The following EPC1 variants were observed in gnomAD, a reference collection of about 807,000 sequenced individuals.
EPC1 encodes the protein enhancer of polycomb homolog 1.
Under a neutral mutation model 98.4 loss-of-function variants are expected in EPC1, and 12 were observed. The ratio of observed to expected loss-of-function variants is 0.12; its 90% CI spans 0.08 to 0.20. The LOEUF is 0.20. Among genes scored for constraint, EPC1 ranks in the 10% least tolerant of loss-of-function variants. The pLI, the probability that EPC1 is intolerant of heterozygous loss-of-function variation, is 1.00. For synonymous variants in EPC1, 357 were observed against 363.9 expected, an observed-to-expected ratio of 0.98 and a Z score of 0.21; for missense variants, 729 against 990.5, an observed-to-expected ratio of 0.74 and a Z score of 3.54.
intron 1 of EPC1, among the ~76,000 whole-genome samples, chr10:32,325,641 T>C (rs1366904977): frequency 6.6e-6 from 1 of 152,204 alleles, no homozygotes; most frequent in Non-Finnish European, 1.5e-5. Context: ...TACAAAAATA[T>C]TAAGTAAACC....
At chr10:32,281,373 T>C (rs1055382230) in intron 10 of EPC1, among the ~76,000 whole-genome samples, 9 of 152,120 alleles carry the variant, frequency 5.9e-5, no homozygotes, top group African/African-American at 2.2e-4. Flanking sequence ...AGCCCAACAC[T>C]GCCAGTTTTT....
At chr10:32,314,879 A>C (rs1836465095) in intron 1 of EPC1, among the ~76,000 whole-genome samples, 1 of 152,130 alleles carries the variant, frequency 6.6e-6, no homozygotes, top group Non-Finnish European at 1.5e-5. Flanking sequence ...TCATGCTCTC[A>C]CCCCACCATT....
At chr10:32,275,852 G>T (rs977344962) in intron 10 of EPC1, among the ~76,000 whole-genome samples, 1 of 151,690 alleles carries the variant, frequency 6.6e-6, no homozygotes, top group Non-Finnish European at 1.5e-5. Flanking sequence ...CAGGAGAATC[G>T]CTTGAACCCG....
At chr10:32,297,404 G>A (rs1266676519) in intron 2 of EPC1, among the ~76,000 whole-genome samples, 1 of 150,810 alleles carries the variant, frequency 6.6e-6, no homozygotes, top group Non-Finnish European at 1.5e-5. Flanking sequence ...GCCTCACTCA[G>A]CCTCCTGAGT....
intron 10 of EPC1, among the ~76,000 whole-genome samples, chr10:32,279,969 C>T (rs372560183): frequency 1.7e-4 from 26 of 152,222 alleles, no homozygotes; most frequent in East Asian, 1.4e-3. Flanking sequence ...TGCATGGTAT[C>T]CAGAGGACCA....
intron 1 of EPC1, among the ~76,000 whole-genome samples, chr10:32,331,408 A>C (rs1837633076): frequency 6.6e-6 from 1 of 152,054 alleles, no homozygotes; most frequent in East Asian, 1.9e-4. Context: ...GGTAACTACA[A>C]CTAAAATCTT....
intron 10 of EPC1, 178 bp downstream of exon 10, chr10:32,284,520 C>T: frequency 3.7e-6 from 2 of 534,748 alleles, no homozygotes; most frequent in Non-Finnish European, 6.5e-6. Context: ...AAGACACACA[C>T]ATACAAACTC....
At chr10:32,270,168 G>T (rs118093145) in intron 13 of EPC1, among the ~76,000 whole-genome samples, 1,753 of 152,260 alleles carry the variant, frequency 0.012, 19 homozygotes, top group South Asian at 0.02. Context: ...TATTTTGTTA[G>T]AAGAGTCCCA....
intron 2 of EPC1, among the ~76,000 whole-genome samples, chr10:32,299,950 G>A (rs1369913643): frequency 6.6e-6 from 1 of 151,980 alleles, no homozygotes; most frequent in African/African-American, 2.4e-5. Context: ...AGCTCGCTCT[G>A]TTGCCCAAGA....
Position 32,292,995 on chromosome 10 carries a change from G to T in EPC1, c.659C>A (p.Thr220Asn). ...TTCTTCAAATTCACTTACTTTTCGA[G>T]TCTGCATTTTTTCAGTACGCCTTCT... ...AFRRRTEKMQ[T>N]RKNRKNDEAS... Residue 220 changes from threonine (T) to asparagine (N), a missense_variant, in exon 4 of 14, where the codon ACT (threonine) becomes AAT (asparagine). Transcript: ENST00000319778. 6.4e-7 allele frequency: 1 copy of T among 1,569,826 alleles called. No individual in the cohort carries two copies. Among genetic ancestry groups the T allele is most frequent in the Non-Finnish European group, 8.6e-7 (1 of 1,158,470 alleles).
At chr10:32,351,477 T>C (rs1398037091), upstream of EPC1, among the ~76,000 whole-genome samples, 1 of 151,820 alleles carries the variant, frequency 6.6e-6, no homozygotes, top group Non-Finnish European at 1.5e-5. Flanking sequence ...GCCAACATGA[T>C]GAAACCCTAT....
intron 1 of EPC1, among the ~76,000 whole-genome samples, chr10:32,374,713 C>T (rs1374966523): frequency 6.6e-6 from 1 of 152,098 alleles, no homozygotes; most frequent in Non-Finnish European, 1.5e-5. Flanking sequence ...GGGAATCTCA[C>T]ACATCTAAGA....
intron 1 of EPC1, among the ~76,000 whole-genome samples, chr10:32,377,985 C>T (rs566075752): frequency 6.6e-6 from 1 of 152,190 alleles, no homozygotes; most frequent in South Asian, 2.1e-4. Flanking sequence ...TAGTAACAGC[C>T]ATAACTTAAT....
intron 1 of EPC1, among the ~76,000 whole-genome samples, chr10:32,357,701 C>A (rs893171806): frequency 2.0e-5 from 3 of 152,122 alleles, no homozygotes; most frequent in African/African-American, 4.8e-5. Flanking sequence ...CTCAAGCAGT[C>A]CTCCTGCCTC....
chr10:32,347,270 G>A, upstream of EPC1: 2 of 1,068,670 alleles, frequency 1.9e-6, no homozygotes, highest in East Asian at 4.1e-5. Flanking sequence ...CGAAGCGCGC[G>A]TCCCGCCAAC....
At chr10:32,302,822 AG>A (rs1835646909) in intron 2 of EPC1, among the ~76,000 whole-genome samples, 1 of 152,200 alleles carries the variant, frequency 6.6e-6, no homozygotes, top group African/African-American at 2.4e-5. Context: ...CTATTAGAAT[AG>A]GCTAGGATAA....
At chr10:32,294,531 C>T (rs573063803) in intron 2 of EPC1, among the ~76,000 whole-genome samples, 2 of 152,128 alleles carry the variant, frequency 1.3e-5, no homozygotes, top group Non-Finnish European at 2.9e-5. Flanking sequence ...TTTCGAACTG[C>T]GGAGCATTTC....
intron 1 of EPC1, among the ~76,000 whole-genome samples, chr10:32,309,436 T>A: frequency 6.6e-6 from 1 of 151,532 alleles, no homozygotes; most frequent in East Asian, 1.9e-4. Flanking sequence ...ATAAAAAATT[T>A]AAAAAATTAT....
chr10:32,282,137 G>T (rs1836442404), intron 10 of EPC1: 1 of 152,078 alleles, frequency 6.6e-6, no homozygotes, highest in South Asian at 2.1e-4. Context: ...GTAGTCTGTA[G>T]GTATCTATCC....
Sources: gnomAD v4.1 joint callset for allele counts (sites outside exome capture counted in the v4.1 genomes callset) on GRCh38, gnomAD v4.1.1 for gene constraint, MANE v1.5 for transcripts, NCBI Gene and HGNC (gene_info 2026-07-23, HGNC 2026-07-21) for gene names.